Variants in ABCB7 observed in about 807,000 individuals in gnomAD.
The protein encoded by ABCB7 is iron-sulfur clusters transporter ABCB7, mitochondrial.
Under a neutral mutation model 54.4 loss-of-function variants are expected in ABCB7, and 7 were observed. The ratio of observed to expected loss-of-function variants is 0.13; its 90% CI spans 0.07 to 0.24. The LOEUF is 0.24. Among genes scored for constraint, ABCB7 ranks in the 10% least tolerant of loss-of-function variants. The pLI is 1.00. For missense variants in ABCB7, 356 were observed against 570.4 expected (o/e 0.62, Z 3.83); for synonymous variants, 218 against 207.1 (o/e 1.05, Z -0.45).
At chrX:75,089,604 A>G (rs1480421604) in intron 4 of ABCB7, among the ~76,000 whole-genome samples, 2 of 111,685 alleles carry the variant, frequency 1.8e-5, no homozygotes, top group East Asian at 5.6e-4. Flanking sequence ...GTTTAATTAA[A>G]GCCAGAGAAG....
intron 15 of ABCB7, among the ~76,000 whole-genome samples, chrX:75,055,648 C>T (rs1218555253): frequency 9.4e-6 from 1 of 106,043 alleles, no homozygotes; most frequent in Non-Finnish European, 1.9e-5. Flanking sequence ...AGTCCATATT[C>T]AAACTTCATC....
intron 1 of ABCB7, among the ~76,000 whole-genome samples, chrX:75,123,837 T>A (rs1019764047): frequency 9.0e-6 from 1 of 111,620 alleles, no homozygotes; most frequent in Non-Finnish European, 1.9e-5. Flanking sequence ...TTTACAGGCA[T>A]ATCGTTTCTG....
chrX:75,093,229 G>A (rs2081559217), intron 4 of ABCB7, among the ~76,000 whole-genome samples: 1 of 111,659 alleles, frequency 9.0e-6, no homozygotes, highest in Non-Finnish European at 1.9e-5. Context: ...ATATTATTCA[G>A]TGATACAAAG....
intron 14 of ABCB7, among the ~76,000 whole-genome samples, chrX:75,060,983 T>C (rs1386979653): frequency 2.7e-5 from 3 of 111,970 alleles, no homozygotes; most frequent in Non-Finnish European, 5.6e-5. Context: ...GCAAGCTAGA[T>C]GGAAATAGCA....
At chrX:75,143,714 T>G (rs1367351594) in intron 1 of ABCB7, among the ~76,000 whole-genome samples, 1 of 111,090 alleles carries the variant, frequency 9.0e-6, no homozygotes, top group African/African-American at 3.3e-5. Flanking sequence ...CGTCTCACAT[T>G]GATGATGGTA....
In ABCB7 at chrX:75,053,291, GA is replaced by G; in HGVS notation, c.*78del. 1.8e-6 allele frequency: 2 copies of G among 1,136,574 alleles called. No individual in the cohort carries two copies. Among genetic ancestry groups the G allele is most frequent in the Non-Finnish European group, 2.4e-6 (2 of 838,459 alleles). The allele number at this position is 1,136,574 out of a possible 1,213,427, so 93.7% of individuals were successfully genotyped here. ...AGGATTATAGAAAATGGGAATGTAT[GA>G]TTTTTTTAATAAAACAATTCTGCTT... On this transcript the variant is annotated 3_prime_UTR_variant, in exon 16 of 16. Transcript: ENST00000373394.
At chrX:75,066,346 A>G (rs1238756829) in intron 12 of ABCB7, among the ~76,000 whole-genome samples, 5 of 111,743 alleles carry the variant, frequency 4.5e-5, no homozygotes, top group African/African-American at 1.6e-4. Flanking sequence ...TTATATACCT[A>G]TTAATAAAAT....
chrX:75,155,419 T>C (rs1436304195), intron 1 of ABCB7, among the ~76,000 whole-genome samples: 1 of 112,291 alleles, frequency 8.9e-6, no homozygotes, highest in African/African-American at 3.2e-5. Context: ...GAGTGAGAGG[T>C]AATAATGGAC....
intron 15 of ABCB7, among the ~76,000 whole-genome samples, chrX:75,057,073 CTTG>C (rs1434326448): frequency 9.0e-6 from 1 of 111,292 alleles, no homozygotes; most frequent in Non-Finnish European, 1.9e-5. Flanking sequence ...TTTCCCCATC[CTTG>C]TTGATTTAAT....
At chrX:75,088,947 T>A (rs1015686598) in intron 4 of ABCB7, among the ~76,000 whole-genome samples, 2 of 105,424 alleles carry the variant, frequency 1.9e-5, no homozygotes, top group Admixed American at 2.0e-4. Flanking sequence ...ACAAAAATAA[T>A]CTTAAAAGAA....
At chrX:75,149,693 C>T (rs918192102) in intron 1 of ABCB7, among the ~76,000 whole-genome samples, 6 of 111,569 alleles carry the variant, frequency 5.4e-5, no homozygotes, top group African/African-American at 2.0e-4. Context: ...ATCTTATCTC[C>T]TCCACAAGAT....
At chrX:75,079,919 C>T (rs769929982) in intron 4 of ABCB7, among the ~76,000 whole-genome samples, 1 of 111,957 alleles carries the variant, frequency 8.9e-6, no homozygotes, top group Non-Finnish European at 1.9e-5. Context: ...TTAATTTGCT[C>T]TTGATCTCTA....
chrX:75,114,020 A>C, intron 2 of ABCB7, among the ~76,000 whole-genome samples: 1 of 111,960 alleles, frequency 8.9e-6, no homozygotes, highest in Non-Finnish European at 1.9e-5. Flanking sequence ...TCTTCAACAA[A>C]ACAAAAGACT....
intron 2 of ABCB7, among the ~76,000 whole-genome samples, chrX:75,113,587 C>T (rs1454503767): frequency 9.0e-6 from 1 of 111,449 alleles, no homozygotes; most frequent in East Asian, 2.8e-4. Context: ...TTTGTATCTC[C>T]CATGGAACAT....
At chrX:75,082,553 G>A (rs1279060576) in intron 4 of ABCB7, among the ~76,000 whole-genome samples, 2 of 111,789 alleles carry the variant, frequency 1.8e-5, no homozygotes, top group African/African-American at 3.2e-5. Context: ...CTATTTTTAA[G>A]TTCTTTAAAA....
chrX:75,098,308 C>CA lies in ABCB7; in HGVS notation c.453+633dup, dbSNP rs775704746. 3.8e-3 allele frequency among the ~76,000 whole-genome samples: 240 copies of CA among 62,340 alleles called. No homozygotes were observed. The East Asian group carries it at 0.041, about 11-fold the overall frequency. 54.1% of individuals were successfully genotyped at this position (62,340 alleles called of 115,157 possible). A position where few individuals can be genotyped will look rare whatever the true frequency, so the allele number is the denominator to read the frequency against. ...TGGGCAACAGAGTGAGACTCTGTAT[C>CA]AAAAAAAAAAAAAAGAAAAAAAAAT... On this transcript the variant is annotated intron_variant, in intron 4 of 15. Transcript: ENST00000373394.
chrX:75,153,725 G>A (rs2082150019), intron 1 of ABCB7, among the ~76,000 whole-genome samples: 1 of 76,906 alleles, frequency 1.3e-5, no homozygotes, highest in African/African-American at 4.4e-5. Context: ...CATACATGTG[G>A]GACTGTGTGT....
intron 13 of ABCB7, among the ~76,000 whole-genome samples, chrX:75,063,992 C>T (rs1223262493): frequency 9.0e-6 from 1 of 111,126 alleles, no homozygotes; most frequent in African/African-American, 3.3e-5. Flanking sequence ...CAGAATTAGC[C>T]AAACGGACAC....
chrX:75,086,012 A>T (rs1023019525), intron 4 of ABCB7, among the ~76,000 whole-genome samples: 1 of 109,135 alleles, frequency 9.2e-6, no homozygotes, highest in South Asian at 4.1e-4. Flanking sequence ...ACGCCCAGCT[A>T]ATTTTTGTAT....
Sources: gnomAD v4.1 joint callset for allele counts (sites outside exome capture counted in the v4.1 genomes callset) on GRCh38, gnomAD v4.1.1 for gene constraint, MANE v1.5 for transcripts, NCBI Gene and HGNC (gene_info 2026-07-23, HGNC 2026-07-21) for gene names.